The following FANCB variants were observed in gnomAD, a reference collection of about 807,000 sequenced individuals.
FANCB encodes the protein Fanconi anemia group B protein.
Under a neutral mutation model 38.9 loss-of-function variants are expected in FANCB, and 5 were observed. The ratio of observed to expected loss-of-function variants is 0.13; its 90% confidence interval spans 0.07 to 0.27. FANCB has a LOEUF of 0.27. Among genes scored for constraint, FANCB ranks in the 10% least tolerant of loss-of-function variants. The probability of loss-of-function intolerance (pLI) is 1.00; values close to 1 mark genes in which losing one functional copy is unlikely to be tolerated. For missense variants in FANCB, 573 were observed against 602.7 expected (o/e 0.95, Z 0.52); for synonymous variants, 236 against 215.4 (o/e 1.10, Z -0.84).
At chrX:14,809,360 G>C in the FANCB span, among the ~76,000 whole-genome samples, 1 of 112,548 alleles carries the variant, frequency 8.9e-6, no homozygotes, top group South Asian at 3.6e-4. Flanking sequence ...CTGTGTGCGA[G>C]CTGAAGCAGG....
chrX:14,701,180 C>T, the FANCB span, among the ~76,000 whole-genome samples: 43 of 110,512 alleles, frequency 3.9e-4, no homozygotes, highest in East Asian at 7.1e-3. Flanking sequence ...TTGTGAATTG[C>T]GAAATACATC....
chrX:14,863,139 G>A (rs1169002759), intron 3 of FANCB, among the ~76,000 whole-genome samples: 2 of 111,819 alleles, frequency 1.8e-5, no homozygotes, highest in Non-Finnish European at 3.8e-5. Context: ...AAAAGTACTT[G>A]GTAAGGCAAA....
At chrX:14,721,120 C>T in the FANCB span, among the ~76,000 whole-genome samples, 14 of 71,724 alleles carry the variant, frequency 2.0e-4, no homozygotes, top group Non-Finnish European at 3.6e-4. Context: ...GACCCTGTCT[C>T]AAAAAAAAAA....
chrX:14,749,876 A>T, the FANCB span, among the ~76,000 whole-genome samples: 4 of 112,354 alleles, frequency 3.6e-5, no homozygotes, highest in Non-Finnish European at 7.5e-5. Flanking sequence ...TGAAGGTTGA[A>T]GTTTGAAAAG....
chrX:14,847,132 C>T (rs906243640), intron 7 of FANCB, among the ~76,000 whole-genome samples: 1 of 110,093 alleles, frequency 9.1e-6, no homozygotes, highest in Non-Finnish European at 1.9e-5. Flanking sequence ...ATAGATGAAA[C>T]AAGATTAGCA....
chrX:14,815,295 T>C, the FANCB span, among the ~76,000 whole-genome samples: 2 of 108,296 alleles, frequency 1.8e-5, no homozygotes, highest in African/African-American at 6.8e-5. Context: ...GTTGTGCACA[T>C]GTACCCTAGA....
At chrX:14,812,425 A>T in the FANCB span, among the ~76,000 whole-genome samples, 4 of 112,040 alleles carry the variant, frequency 3.6e-5, no homozygotes, top group East Asian at 8.4e-4. Context: ...TAGCAAGACT[A>T]ATAAAGAAGA....
chrX:14,746,677 C>T, the FANCB span, among the ~76,000 whole-genome samples: 1 of 111,939 alleles, frequency 8.9e-6, no homozygotes, highest in Non-Finnish European at 1.9e-5. Flanking sequence ...ATGGTGCTAC[C>T]AGCTGAATAT....
intron 1 of FANCB, among the ~76,000 whole-genome samples, chrX:14,869,635 C>T (rs2092486068): frequency 8.9e-6 from 1 of 111,982 alleles, no homozygotes; most frequent in Non-Finnish European, 1.9e-5. Flanking sequence ...ACACTTGATC[C>T]TGTCACTGTC....
intron 1 of FANCB, 78 bp from the exon 2 acceptor site, chrX:14,869,121 C>G (rs997430860): frequency 9.0e-6 from 1 of 111,506 alleles, no homozygotes; most frequent in Non-Finnish European, 1.9e-5. Flanking sequence ...CCAAAGGTCC[C>G]ATGTCAGGTT....
At chrX:14,871,811 G>A (rs1164025384) in intron 1 of FANCB, among the ~76,000 whole-genome samples, 1 of 98,253 alleles carries the variant, frequency 1.0e-5, no homozygotes, top group Non-Finnish European at 2.1e-5. Flanking sequence ...TCAAGAAATA[G>A]TGCCATGTAC....
chrX:14,852,351 T>C (rs746947257), intron 6 of FANCB, among the ~76,000 whole-genome samples: 2 of 109,930 alleles, frequency 1.8e-5, no homozygotes, highest in Admixed American at 9.7e-5. Context: ...GTATTTTTAG[T>C]AGAGACAGGG....
At chrX:14,831,261 T>A (rs969800049), downstream of FANCB, among the ~76,000 whole-genome samples, 1 of 112,700 alleles carries the variant, frequency 8.9e-6, no homozygotes, top group African/African-American at 3.2e-5. Flanking sequence ...ACAAAGATGA[T>A]CAAGACAGAA....
chrX:14,719,611 T>A, the FANCB span, among the ~76,000 whole-genome samples: 1 of 111,791 alleles, frequency 8.9e-6, no homozygotes, highest in Non-Finnish European at 1.9e-5. Flanking sequence ...GGTGGGAATG[T>A]ACATTAATAC....
the FANCB span, among the ~76,000 whole-genome samples, chrX:14,760,126 T>A: frequency 2.7e-5 from 3 of 111,795 alleles, no homozygotes; most frequent in Admixed American, 9.5e-5. Context: ...CCAGCTAACA[T>A]CAAAATGACA....
At chrX:14,726,367 A>T in the FANCB span, among the ~76,000 whole-genome samples, 1 of 112,380 alleles carries the variant, frequency 8.9e-6, no homozygotes, top group Non-Finnish European at 1.9e-5. Flanking sequence ...CATTGAATGC[A>T]TCATAATGGT....
the FANCB span, among the ~76,000 whole-genome samples, chrX:14,756,527 A>G: frequency 8.9e-6 from 1 of 111,958 alleles, no homozygotes; most frequent in Non-Finnish European, 1.9e-5. Flanking sequence ...AAAAGACCTC[A>G]ATACATGTTG....
chrX:14,817,493 T>C, the FANCB span, among the ~76,000 whole-genome samples: 1 of 111,369 alleles, frequency 9.0e-6, no homozygotes, highest in Admixed American at 9.6e-5. Flanking sequence ...AGAACTGGTG[T>C]CAAGATGTCA....
At chrX:14,833,136 T>G (rs1353850871), downstream of FANCB, among the ~76,000 whole-genome samples, 1 of 112,503 alleles carries the variant, frequency 8.9e-6, no homozygotes, top group Admixed American at 9.4e-5. Flanking sequence ...CATGTATCTT[T>G]TCATTTTCCT....
Sources: gnomAD v4.1 joint callset for allele counts (sites outside exome capture counted in the v4.1 genomes callset) on GRCh38, gnomAD v4.1.1 for gene constraint, MANE v1.5 for transcripts, NCBI Gene and HGNC (gene_info 2026-07-23, HGNC 2026-07-21) for gene names.